The following PSRC1 variants were observed in gnomAD, a reference collection of about 807,000 sequenced individuals.
The protein encoded by PSRC1 is proline and serine rich coiled-coil 1.
PSRC1 carries 30 observed loss-of-function variants against 31.9 expected under a neutral mutation model. The observed-to-expected ratio is 0.94, with a 90% confidence interval of 0.70 to 1.28. The LOEUF (loss-of-function observed/expected upper bound fraction) is 1.28. Among genes scored for constraint, PSRC1 ranks in the 50% most tolerant of loss-of-function variants. PSRC1 has a pLI of 0.00. For missense variants in PSRC1, 481 were observed against 472.8 expected (o/e 1.02, Z -0.16); for synonymous variants, 191 against 192.1 (o/e 0.99, Z 0.05).
chr1:109,281,266 G>A lies in PSRC1; in HGVS notation c.520-15C>T, dbSNP rs371053376. ...GTGGGTGACTCCTGAAACACAAAGA[G>A]AGAGAGAAAAAAGACTAGAGTGGAA... On this transcript the variant is annotated splice_polypyrimidine_tract_variant and intron_variant, in intron 4 of 6. Transcript: ENST00000409138. The A allele has an allele frequency of 6.4e-7, 1 of 1,552,856 alleles. No homozygotes were observed. The highest frequency in any genetic ancestry group is 8.7e-7 in the Non-Finnish European group (1 of 1,146,662).
At chr1:109,280,413 T>G (rs1171245464) in exon 6 of PSRC1, 1 of 1,612,258 alleles carries the variant, frequency 6.2e-7, no homozygotes, top group Admixed American at 1.7e-5. Context: ...GTCCTGGGAC[T>G]GCCACTTTCC....
intron 6 of PSRC1, 82 bp downstream of exon 7, chr1:109,280,314 A>G: frequency 7.0e-7 from 1 of 1,432,608 alleles, no homozygotes; most frequent in Non-Finnish European, 9.7e-7. Flanking sequence ...TACAAAATTC[A>G]GGGCTGATGT....
At chr1:109,281,364 G>A (rs945396894) in intron 4 of PSRC1, 113 bp from the exon 5 acceptor site, 13 of 957,946 alleles carry the variant, frequency 1.4e-5, no homozygotes, top group Non-Finnish European at 2.0e-5. Flanking sequence ...GTAAGGAAGG[G>A]TAGAAGTTAG....
exon 4 of PSRC1, chr1:109,281,734 G>A (rs781244664): frequency 4.3e-6 from 7 of 1,613,858 alleles, no homozygotes; most frequent in South Asian, 3.3e-5. Context: ...GGTGCTCCGC[G>A]TCAAAGAGTT....
chr1:109,280,663 C>T (rs537301696), intron 5 of PSRC1, 114 bp downstream of exon 6: 1 of 1,006,960 alleles, frequency 9.9e-7, no homozygotes, highest in Non-Finnish European at 1.4e-6. Context: ...AACTCAGTCT[C>T]CCCATCTTCC....
At chr1:109,282,263 C>A in intron 3 of PSRC1, 1 of 617,000 alleles carries the variant, frequency 1.6e-6, no homozygotes, top group Admixed American at 3.0e-5. Context: ...TTACGGACAT[C>A]AGAAATGATG....
intron 3 of PSRC1, 185 bp from the exon 4 acceptor site, chr1:109,282,245 T>G (rs1386641100): frequency 1.6e-6 from 1 of 629,362 alleles, no homozygotes; most frequent in Admixed American, 3.0e-5. Flanking sequence ...CTAATAGGCC[T>G]TTAGCATTTA....
chr1:109,280,599 T>C, intron 5 of PSRC1, 110 bp from the exon 7 acceptor site: 3 of 997,262 alleles, frequency 3.0e-6, no homozygotes, highest in Non-Finnish European at 4.4e-6. Context: ...CCCCTGACCA[T>C]GAGGTATTTG....
chr1:109,281,619 C>T lies in PSRC1; in HGVS notation c.519G>A (p.Arg173=), dbSNP rs767982591. 8.7e-6 allele frequency: 14 copies of T among 1,608,312 alleles called. No homozygotes were observed. In the South Asian group the frequency reaches 1.4e-4, roughly 16 times the overall value. Residue 173 remains arginine (R), a splice_region_variant and synonymous_variant, in exon 4 of 7, where the codon AGG becomes AGA. Coordinates refer to ENST00000409138, the Ensembl canonical transcript of PSRC1. The stretch of plus-strand genomic sequence containing the variant: ...CTCCAACTCAACTCTCTCAACTCAC[C>T]CTCTTCATGTTGGAGGGCCTCTTTC...
chr1:109,280,799 T>G, exon 5 of PSRC1: 1 of 1,587,536 alleles, frequency 6.3e-7, no homozygotes, highest in East Asian at 2.3e-5. Flanking sequence ...TTTCCCGCAC[T>G]CTGTGTCCTG....
chr1:109,280,992 G>T, exon 5 of PSRC1: 1 of 1,610,748 alleles, frequency 6.2e-7, no homozygotes, highest in South Asian at 1.1e-5. Flanking sequence ...CAGGCGTTGA[G>T]AGTTGCTGGT....
exon 5 of PSRC1, chr1:109,280,897 G>A (rs747843135): frequency 6.2e-6 from 10 of 1,614,026 alleles, no homozygotes; most frequent in African/African-American, 1.3e-5. Context: ...CGGCTGGTGA[G>A]TGGCATTCGG....
chr1:109,280,031 G>A, exon 7 of PSRC1: 1 of 1,281,692 alleles, frequency 7.8e-7, no homozygotes. Context: ...AGCCCTGGTG[G>A]CATCTCTTCC....
rs758565529 is a variant in PSRC1 at position 109,280,392 on chromosome 1, T to A, written c.1088+4A>T. ...CAGGATGGGCAAGGGAGGACCAGAC[T>A]GACCTGGTAGGTCCTGGGACTGCCA... On this transcript the variant is annotated splice_donor_region_variant and intron_variant, in intron 6 of 6. Transcript: ENST00000409138. The A allele has an allele frequency of 6.2e-7, 1 of 1,602,516 alleles. No individual in the cohort carries two copies. Among genetic ancestry groups the A allele is most frequent in the East Asian group, 2.2e-5 (1 of 44,644 alleles).
chr1:109,282,436 C>G (rs1274302692), intron 3 of PSRC1, 82 bp downstream of exon 3: 2 of 1,394,370 alleles, frequency 1.4e-6, no homozygotes, highest in Non-Finnish European at 2.0e-6. Context: ...AGTTACCAAC[C>G]CAAGCCAATA....
rs2101413444 is a variant in PSRC1, at chr1:109,282,785, C to T, written c.-33-54G>A. On this transcript the variant is annotated intron_variant, in intron 1 of 6. Transcript: ENST00000409138. ...TCAGGTATCCATTCTGCCCAAGGCT[C>T]GCAGCTAGATTCAGGGTGCAAGCCA... 5.2e-6 allele frequency: 8 copies of T among 1,536,720 alleles called. 1 individual carries two copies. The South Asian group carries it at 9.6e-5, about 18-fold the overall frequency.
chr1:109,280,076 G>T lies in PSRC1; in HGVS notation c.*77C>A, dbSNP rs1260055692. ...TGGGCCAGAATCTGCTGGAGTCAGG[G>T]TCTGCTGGGTAGAGGCGAGTCCAGG... On this transcript the variant is annotated 3_prime_UTR_variant, in exon 7 of 7. Coordinates refer to ENST00000409138, the Ensembl canonical transcript of PSRC1. 4 of 1,603,354 alleles carry T rather than the reference G, an allele frequency of 2.5e-6. No individual in the cohort carries two copies. In the East Asian group the frequency reaches 6.7e-5, roughly 27 times the overall value.
chr1:109,280,365 G>T, intron 6 of PSRC1, 31 bp downstream of exon 7: 1 of 1,559,240 alleles, frequency 6.4e-7, no homozygotes, highest in Non-Finnish European at 8.8e-7. Flanking sequence ...GGGGTAGGGA[G>T]ACAGGATGGG....
chr1:109,282,491 A>G (rs562304030), intron 3 of PSRC1, 27 bp downstream of exon 3: 2 of 1,606,274 alleles, frequency 1.2e-6, no homozygotes, highest in East Asian at 4.5e-5. Context: ...TGTTAGAGGA[A>G]AATAAGTGGG....
Sources: gnomAD v4.1 joint callset for allele counts on GRCh38, gnomAD v4.1.1 for gene constraint, MANE v1.5 for transcripts, NCBI Gene and HGNC (gene_info 2026-07-23, HGNC 2026-07-21) for gene names.